Variants in C1QTNF7 observed in about 807,000 individuals in gnomAD.
C1QTNF7 encodes the protein C1q and TNF related 7, also known as complement C1q tumor necrosis factor-related protein 7.
A neutral mutation model predicts 19.6 loss-of-function variants in C1QTNF7; 15 were observed. That is an observed-to-expected ratio of 0.76 (90% CI 0.51 to 1.18). The LOEUF (loss-of-function observed/expected upper bound fraction) is 1.18, where lower values mean the gene tolerates loss of function less well. C1QTNF7 is among the 50% of genes most tolerant of loss of function. C1QTNF7 has a pLI of 0.00. For synonymous variants in C1QTNF7, 142 were observed against 137.5 expected (o/e 1.03, Z -0.23); for missense variants, 324 against 359.7 (o/e 0.90, Z 0.80).
intron 1 of C1QTNF7, among the ~76,000 whole-genome samples, chr4:15,393,514 A>G (rs115061625): frequency 5.6e-4 from 86 of 152,282 alleles, no homozygotes; most frequent in African/African-American, 2.0e-3. Context: ...ATTAAAACGC[A>G]GACTCTCGAG....
intron 1 of C1QTNF7, among the ~76,000 whole-genome samples, chr4:15,415,466 AGACC>A (rs1211738149): frequency 1.3e-5 from 2 of 152,204 alleles, no homozygotes; most frequent in African/African-American, 4.8e-5. Context: ...CTTGTTTCTA[AGACC>A]AAAGGAATAT....
At chr4:15,402,544 T>C (rs1324029574) in intron 1 of C1QTNF7, among the ~76,000 whole-genome samples, 1 of 151,744 alleles carries the variant, frequency 6.6e-6, no homozygotes, top group African/African-American at 2.4e-5. Flanking sequence ...TTCCAGGCAA[T>C]CCAAAAATAA....
chr4:15,399,311 G>A (rs1416980834), intron 1 of C1QTNF7, among the ~76,000 whole-genome samples: 2 of 152,140 alleles, frequency 1.3e-5, no homozygotes, highest in African/African-American at 4.8e-5. Flanking sequence ...GTGGGTGGGT[G>A]TGTTGGGGAG....
chr4:15,393,792 C>T (rs1718676507), intron 1 of C1QTNF7, among the ~76,000 whole-genome samples: 1 of 152,206 alleles, frequency 6.6e-6, no homozygotes, highest in African/African-American at 2.4e-5. Context: ...GGGCTACTCA[C>T]TCATTCACAT....
intron 1 of C1QTNF7, among the ~76,000 whole-genome samples, chr4:15,351,109 A>G (rs1236739141): frequency 6.6e-6 from 1 of 152,244 alleles, no homozygotes; most frequent in Non-Finnish European, 1.5e-5. Context: ...GTGAGATAAT[A>G]TAGTGCTCTA....
chr4:15,438,058 A>G (rs191474194), intron 2 of C1QTNF7, among the ~76,000 whole-genome samples: 7 of 152,274 alleles, frequency 4.6e-5, no homozygotes, highest in African/African-American at 1.7e-4. Flanking sequence ...CATAATAACC[A>G]CTTACTAAGA....
rs1039856317 is a variant in C1QTNF7, at chr4:15,413,080, T to C, written c.14-22656T>C. On this transcript the variant is annotated intron_variant, in intron 1 of 2. Coordinates refer to the C1QTNF7 transcript ENST00000295297. ...CTCTGACTTCAAAGCCCAGTTAGTG[T>C]CCACTGTAGCAAGATAACCAACACC... 6.6e-5 allele frequency among the ~76,000 whole-genome samples: 10 copies of C among 152,204 alleles called. No individual in the cohort carries two copies. The East Asian group carries it at 1.9e-3, about 29-fold the overall frequency.
chr4:15,375,900 A>G (rs977642323), intron 1 of C1QTNF7, among the ~76,000 whole-genome samples: 2 of 152,148 alleles, frequency 1.3e-5, no homozygotes, highest in Non-Finnish European at 2.9e-5. Context: ...CACATCCTGT[A>G]CTGTTAAGAC....
rs377496688 is a variant in C1QTNF7 at position 15,340,205 on chromosome 4, A to G, written c.11A>G (p.Gln4Arg). ...AGTTTGATATCAGCAATGTCCAGAC[A>G]AGGTAAGCTACCATTTTCACTGCAG... The change falls in exon 1 of 3, where the codon CAA (glutamine) becomes CGA (arginine). Residue 4 changes from glutamine to arginine, a missense_variant and splice_region_variant. Coordinates refer to the C1QTNF7 transcript ENST00000295297. The G allele has an allele frequency of 1.8e-4, 277 of 1,551,670 alleles. 1 individual carries two copies. In the African/African-American group the frequency reaches 3.0e-3, roughly 17 times the overall value.
At chr4:15,368,431 C>G (rs1359500870) in intron 1 of C1QTNF7, among the ~76,000 whole-genome samples, 1 of 151,956 alleles carries the variant, frequency 6.6e-6, no homozygotes, top group East Asian at 1.9e-4. Context: ...CTAATGCTAT[C>G]CCTCCCCACT....
Position 15,442,862 on chromosome 4 carries a change from A to T in C1QTNF7, c.*63A>T, listed in dbSNP as rs140830460. Reference sequence around the variant, plus strand: ...ATCTGGGGTTCCAGAAGGTGGAACAAGCAGGAATGGGATCCAAAGAGACTC... The same window carrying T: ...ATCTGGGGTTCCAGAAGGTGGAACATGCAGGAATGGGATCCAAAGAGACTC... On this transcript the variant is annotated 3_prime_UTR_variant, in exon 3 of 3. Coordinates refer to ENST00000444304, the MANE Select transcript of C1QTNF7 (RefSeq NM_031911.5). 54 of 1,465,146 alleles carry T rather than the reference A, an allele frequency of 3.7e-5. No homozygotes were observed. In the African/African-American group the frequency reaches 6.3e-4, roughly 17 times the overall value. The allele number at this position is 1,465,146 out of a possible 1,614,324, so 90.8% of individuals were successfully genotyped here. A position where few individuals can be genotyped will look rare whatever the true frequency, so the allele number is the denominator to read the frequency against.
Position 15,443,709 on chromosome 4 carries a change from A to C in C1QTNF7, c.*910A>C, listed in dbSNP as rs1450949544. On this transcript the variant is annotated 3_prime_UTR_variant, in exon 3 of 3. Coordinates refer to ENST00000444304, the MANE Select transcript of C1QTNF7 (RefSeq NM_031911.5). ...GAGGAGGCCTGGCAGGGGTGATAAA[A>C]ATGGAGATTGAAATGAAGAGAAATA... 6.6e-6 allele frequency: 1 copy of C among 152,196 alleles called. No homozygotes were observed. Among genetic ancestry groups the C allele is most frequent in the Non-Finnish European group, 1.5e-5 (1 of 68,040 alleles). 9.4% of individuals were successfully genotyped at this position (152,196 alleles called of 1,614,324 possible). A position where few individuals can be genotyped will look rare whatever the true frequency, so the allele number is the denominator to read the frequency against.
chr4:15,381,333 C>T (rs975748429), intron 1 of C1QTNF7, among the ~76,000 whole-genome samples: 16 of 150,990 alleles, frequency 1.1e-4, no homozygotes, highest in South Asian at 4.2e-4. Flanking sequence ...AGGAGAATGT[C>T]GTGAACCTGG....
At chr4:15,435,032 C>A (rs940486045) in intron 1 of C1QTNF7, among the ~76,000 whole-genome samples, 1 of 152,108 alleles carries the variant, frequency 6.6e-6, no homozygotes, top group African/African-American at 2.4e-5. Context: ...TTTAAATAGT[C>A]CATAAATTCT....
chr4:15,411,930 C>T (rs1276913812), intron 1 of C1QTNF7, among the ~76,000 whole-genome samples: 1 of 152,094 alleles, frequency 6.6e-6, no homozygotes, highest in Non-Finnish European at 1.5e-5. Flanking sequence ...TGGGGTAGCA[C>T]AGCAGGAGGT....
At chr4:15,403,030 A>C (rs1170323462) in intron 1 of C1QTNF7, among the ~76,000 whole-genome samples, 5 of 150,940 alleles carry the variant, frequency 3.3e-5, no homozygotes, top group African/African-American at 1.2e-4. Context: ...TATGATAAGC[A>C]GATACATTTT....
rs545294675 is a variant in C1QTNF7, at chr4:15,349,692, A to G, written c.13+9485A>G. Among the ~76,000 whole-genome samples, 28 of 152,202 alleles carry G rather than the reference A, an allele frequency of 1.8e-4. No individual in the cohort carries two copies. In the South Asian group the frequency reaches 5.6e-3, roughly 30 times the overall value. ...CTGGGTGAAGTACCAAAGGAGAGAA[A>G]ATGAATTCCTTTTCTTTTCCTTGAC... On this transcript the variant is annotated intron_variant, in intron 1 of 2. Transcript: ENST00000295297.
At chr4:15,427,193 T>G (rs911656491), upstream of C1QTNF7, among the ~76,000 whole-genome samples, 1 of 152,036 alleles carries the variant, frequency 6.6e-6, no homozygotes, top group African/African-American at 2.4e-5. Context: ...CTGGAAACAT[T>G]CCTTTCAATT....
intron 2 of C1QTNF7, among the ~76,000 whole-genome samples, chr4:15,439,825 T>C (rs148181184): frequency 6.6e-6 from 1 of 152,092 alleles, no homozygotes; most frequent in African/African-American, 2.4e-5. Context: ...TATCTTTCGA[T>C]GGTATTAAAT....
Sources: allele counts gnomAD v4.1 joint callset (sites outside exome capture counted in the v4.1 genomes callset), GRCh38; gene constraint gnomAD v4.1.1; transcripts MANE v1.5; gene names NCBI Gene and HGNC (gene_info 2026-07-23, HGNC 2026-07-21).